Variants in KPNA7 observed in about 807,000 individuals in gnomAD.
The protein encoded by KPNA7 is importin subunit alpha-8.
Under a neutral mutation model 53.7 loss-of-function variants are expected in KPNA7, and 54 were observed. The observed-to-expected ratio is 1.01, with a 90% CI of 0.81 to 1.26. The LOEUF is 1.26. KPNA7 is among the 50% of genes most tolerant of loss of function. The probability of loss-of-function intolerance (pLI) is 0.00; values close to 1 mark genes in which losing one functional copy is unlikely to be tolerated. For missense variants in KPNA7, 640 were observed against 644.5 expected (o/e 0.99, Z 0.07); for synonymous variants, 276 against 259.3 (o/e 1.06, Z -0.62).
At chr7:99,218,437 A>T (rs909172699) in intron 1 of KPNA7, among the ~76,000 whole-genome samples, 11 of 152,186 alleles carry the variant, frequency 7.2e-5, no homozygotes, top group African/African-American at 2.7e-4. Flanking sequence ...AGGGGGCTGA[A>T]TCGGGAACAA....
the KPNA7 span, among the ~76,000 whole-genome samples, chr7:99,152,041 G>A: frequency 5.0e-4 from 76 of 152,110 alleles, no homozygotes; most frequent in African/African-American, 1.6e-3. Flanking sequence ...AAAATTAGCC[G>A]GGCATGGTGG....
chr7:99,214,903 G>C (rs1340141052), intron 1 of KPNA7, among the ~76,000 whole-genome samples: 1 of 152,010 alleles, frequency 6.6e-6, no homozygotes, highest in Non-Finnish European at 1.5e-5. Flanking sequence ...TTGTTGCTAC[G>C]CTTCACATGT....
chr7:99,166,229 G>A, the KPNA7 span, among the ~76,000 whole-genome samples: 1 of 152,044 alleles, frequency 6.6e-6, no homozygotes, highest in Non-Finnish European at 1.5e-5. Flanking sequence ...GGGATTACAG[G>A]TACACATCAG....
chr7:99,174,930 C>A (rs2150694099), intron 10 of KPNA7, among the ~76,000 whole-genome samples: 1 of 151,962 alleles, frequency 6.6e-6, no homozygotes, highest in Non-Finnish European at 1.5e-5. Flanking sequence ...GCTGCCTCAG[C>A]CTCCTGAGTA....
chr7:99,152,827 C>A, the KPNA7 span, among the ~76,000 whole-genome samples: 1 of 152,144 alleles, frequency 6.6e-6, no homozygotes, highest in Non-Finnish European at 1.5e-5. Flanking sequence ...TCTCTGAGTG[C>A]AGGATGAGGG....
At chr7:99,165,847 T>C in the KPNA7 span, among the ~76,000 whole-genome samples, 1 of 152,166 alleles carries the variant, frequency 6.6e-6, no homozygotes, top group Non-Finnish European at 1.5e-5. Flanking sequence ...TGATAGGGTT[T>C]CGATTTGTGT....
chr7:99,173,076 A>AG (rs945615709), downstream of KPNA7, among the ~76,000 whole-genome samples: 2 of 151,428 alleles, frequency 1.3e-5, no homozygotes, highest in African/African-American at 4.8e-5. Context: ...AAAAAAAAAA[A>AG]AAAAAAAAGA....
At chr7:99,195,983 T>G in intron 4 of KPNA7, 101 bp downstream of exon 4, 1 of 893,582 alleles carries the variant, frequency 1.1e-6, no homozygotes, top group Non-Finnish European at 1.8e-6. Flanking sequence ...ACGGGCATGT[T>G]GCCAATGCCA....
At chr7:99,184,669 G>A (rs1350613366) in intron 8 of KPNA7, among the ~76,000 whole-genome samples, 2 of 152,154 alleles carry the variant, frequency 1.3e-5, no homozygotes, top group Non-Finnish European at 2.9e-5. Flanking sequence ...ATATTTACTA[G>A]CTCAAGAGCT....
chr7:99,183,013 TG>T (rs1449857613), intron 8 of KPNA7, among the ~76,000 whole-genome samples: 1 of 152,030 alleles, frequency 6.6e-6, no homozygotes, highest in Non-Finnish European at 1.5e-5. Context: ...CCCAGCACTT[TG>T]GGAGGCTGAG....
chr7:99,199,018 A>T (rs904329486), intron 3 of KPNA7, among the ~76,000 whole-genome samples: 7 of 145,470 alleles, frequency 4.8e-5, no homozygotes, highest in Middle Eastern at 7.0e-3. Context: ...TAAAATGCTT[A>T]GTAATAAATT....
the KPNA7 span, among the ~76,000 whole-genome samples, chr7:99,153,534 AGCG>A: frequency 6.8e-6 from 1 of 147,742 alleles, no homozygotes. Context: ...CAGGTGACAG[AGCG>A]AGACACTGTC....
the KPNA7 span, among the ~76,000 whole-genome samples, chr7:99,159,633 ATCACT>A: frequency 1.6e-4 from 24 of 152,232 alleles, 1 homozygote; most frequent in South Asian, 1.7e-3. Context: ...CAAACATCAC[ATCACT>A]TCATCTATGA....
At chr7:99,146,181 T>C in the KPNA7 span, among the ~76,000 whole-genome samples, 1 of 152,204 alleles carries the variant, frequency 6.6e-6, no homozygotes, top group Non-Finnish European at 1.5e-5. Flanking sequence ...GCTCCTGTTC[T>C]TATCCCCAGG....
Position 99,196,155 on chromosome 7 carries a change from A to T in KPNA7, c.213T>A (p.Thr71=). The T allele has an allele frequency of 6.4e-7, 1 of 1,551,578 alleles. No homozygotes were observed. Among genetic ancestry groups the T allele is most frequent in the Non-Finnish European group, 8.7e-7 (1 of 1,146,802 alleles). Residue 71 remains threonine (T), a synonymous_variant, in exon 4 of 11, where the codon ACT becomes ACA. Transcript: ENST00000327442. ...KTAKGVAVSL[T]LGEIIKGVNS... Reference sequence around the variant, plus strand: ...TCACACCTTTGATTATTTCACCCAGAGTGAGGCTGACCTGCAAGAAGAGAC... The same window carrying T: ...TCACACCTTTGATTATTTCACCCAGTGTGAGGCTGACCTGCAAGAAGAGAC...
At position 99,196,139 on chromosome 7, in the gene KPNA7, T is replaced by C. The variant is rs1042297740; in HGVS notation, c.229A>G (p.Lys77Glu). 7.0e-5 allele frequency: 108 copies of C among 1,551,792 alleles called. No individual in the cohort carries two copies. Among genetic ancestry groups the C allele is most frequent in the Non-Finnish European group, 9.3e-5 (107 of 1,146,982 alleles). ...AVSLTLGEII[K>E]GVNSSDPVLC... The stretch of plus-strand genomic sequence containing the variant: ...ACTGGATCTGAGCTATTCACACCTT[T>C]GATTATTTCACCCAGAGTGAGGCTG... The change falls in exon 4 of 11, where the codon AAA becomes GAA. Residue 77 changes from lysine to glutamate, a missense_variant. Transcript: ENST00000327442.
At chr7:99,178,461 C>T (rs1265054216) in intron 9 of KPNA7, among the ~76,000 whole-genome samples, 1 of 151,860 alleles carries the variant, frequency 6.6e-6, no homozygotes, top group Non-Finnish European at 1.5e-5. Context: ...TCCAGCTACT[C>T]AGGAGGCTGA....
At chr7:99,198,575 A>G (rs544478373) in intron 3 of KPNA7, among the ~76,000 whole-genome samples, 53 of 152,240 alleles carry the variant, frequency 3.5e-4, no homozygotes, top group African/African-American at 1.2e-3. Context: ...GAAATTCAAC[A>G]TACTTCCATA....
chr7:99,162,037 A>ATTTTTT, the KPNA7 span, among the ~76,000 whole-genome samples: 16 of 106,894 alleles, frequency 1.5e-4, no homozygotes, highest in Non-Finnish European at 2.6e-4. Context: ...CAAGATTGCA[A>ATTTTTT]TTTTTTTTTT....
Sources: gnomAD v4.1 joint callset for allele counts (sites outside exome capture counted in the v4.1 genomes callset) on GRCh38, gnomAD v4.1.1 for gene constraint, MANE v1.5 for transcripts, NCBI Gene and HGNC (gene_info 2026-07-23, HGNC 2026-07-21) for gene names.